The following SLC24A2 variants were observed in gnomAD, a reference collection of about 807,000 sequenced individuals.
SLC24A2 encodes solute carrier family 24 member 2.
SLC24A2 carries 36 observed loss-of-function variants against 62.0 expected under a neutral mutation model. The observed-to-expected ratio is 0.58, with a 90% CI of 0.44 to 0.77. The LOEUF (loss-of-function observed/expected upper bound fraction) is 0.77, where lower values mean the gene tolerates loss of function less well. SLC24A2 is among the 30% of genes least tolerant of loss of function. The pLI is 0.00. For synonymous variants in SLC24A2, 358 were observed against 294.0 expected (o/e 1.22, Z -2.23); for missense variants, 846 against 817.9 (o/e 1.03, Z -0.42).
At chr9:19,921,095 A>C in the SLC24A2 span, among the ~76,000 whole-genome samples, 1 of 150,764 alleles carries the variant, frequency 6.6e-6, no homozygotes, top group Non-Finnish European at 1.5e-5. Context: ...GGGGTGTTCC[A>C]AAGTAAATCA....
the SLC24A2 span, among the ~76,000 whole-genome samples, chr9:20,272,040 T>C: frequency 6.6e-6 from 1 of 152,186 alleles, no homozygotes; most frequent in African/African-American, 2.4e-5. Context: ...TCACATTTTG[T>C]GGTTTAGGGT....
the SLC24A2 span, among the ~76,000 whole-genome samples, chr9:19,857,718 C>T: frequency 1.3e-5 from 2 of 150,470 alleles, no homozygotes; most frequent in Admixed American, 6.7e-5. Flanking sequence ...TATCCTGAAA[C>T]CTTGCTAAAC....
chr9:20,013,639 G>A, the SLC24A2 span, among the ~76,000 whole-genome samples: 1 of 152,148 alleles, frequency 6.6e-6, no homozygotes. Context: ...CAGAACGGAA[G>A]AAAATAGTTG....
chr9:19,862,469 T>C, the SLC24A2 span, among the ~76,000 whole-genome samples: 2 of 152,080 alleles, frequency 1.3e-5, no homozygotes, highest in African/African-American at 2.4e-5. Context: ...AAGGAAAGGA[T>C]GTTAGTGAGC....
the SLC24A2 span, among the ~76,000 whole-genome samples, chr9:19,815,742 G>T: frequency 6.6e-6 from 1 of 151,968 alleles, no homozygotes; most frequent in South Asian, 2.1e-4. Flanking sequence ...TGAACACTTT[G>T]TTAACAGTTA....
the SLC24A2 span, among the ~76,000 whole-genome samples, chr9:20,101,280 T>C: frequency 6.6e-6 from 1 of 152,256 alleles, no homozygotes; most frequent in Non-Finnish European, 1.5e-5. Flanking sequence ...GAAGTGCCCC[T>C]GCATCAACAT....
At chr9:19,558,742 A>G (rs527281800) in intron 7 of SLC24A2, among the ~76,000 whole-genome samples, 22 of 152,344 alleles carry the variant, frequency 1.4e-4, no homozygotes, top group African/African-American at 5.0e-4. Flanking sequence ...TCTTTAAACA[A>G]GGAACTATCC....
chr9:20,180,561 A>C, the SLC24A2 span, among the ~76,000 whole-genome samples: 1 of 152,164 alleles, frequency 6.6e-6, no homozygotes, highest in African/African-American at 2.4e-5. Context: ...ACTTTTTGGC[A>C]TGTCTCCAGT....
chr9:20,076,579 C>T, the SLC24A2 span, among the ~76,000 whole-genome samples: 1 of 151,990 alleles, frequency 6.6e-6, no homozygotes, highest in Non-Finnish European at 1.5e-5. Flanking sequence ...GGTCTTGTGA[C>T]ACCTTGATGT....
the SLC24A2 span, among the ~76,000 whole-genome samples, chr9:19,856,969 A>C: frequency 6.6e-6 from 1 of 152,282 alleles, no homozygotes; most frequent in South Asian, 2.1e-4. Context: ...GGGCATATTT[A>C]AACATTTCTT....
chr9:19,571,892 T>C (rs1835846949), intron 7 of SLC24A2, among the ~76,000 whole-genome samples: 1 of 151,522 alleles, frequency 6.6e-6, no homozygotes, highest in Non-Finnish European at 1.5e-5. Context: ...GGTCCTGAGA[T>C]GAAATCTCAG....
intron 9 of SLC24A2, among the ~76,000 whole-genome samples, chr9:19,523,851 G>A (rs959508725): frequency 6.6e-6 from 1 of 152,058 alleles, no homozygotes; most frequent in African/African-American, 2.4e-5. Flanking sequence ...AACAGAAGTG[G>A]GCTTACTGGG....
the SLC24A2 span, among the ~76,000 whole-genome samples, chr9:19,796,859 T>C: frequency 3.3e-5 from 5 of 152,238 alleles, no homozygotes; most frequent in African/African-American, 1.2e-4. Flanking sequence ...TCTTTTCTCA[T>C]TCATTATTCT....
At chr9:20,224,487 C>A in the SLC24A2 span, among the ~76,000 whole-genome samples, 3 of 152,158 alleles carry the variant, frequency 2.0e-5, no homozygotes, top group Non-Finnish European at 4.4e-5. Context: ...AGCTCTCATA[C>A]AATACTGGCA....
chr9:19,568,452 A>T (rs1350713741), intron 7 of SLC24A2, among the ~76,000 whole-genome samples: 2 of 152,372 alleles, frequency 1.3e-5, no homozygotes, highest in South Asian at 2.1e-4. Context: ...GCTATTCAAT[A>T]GCCATTAAAA....
the SLC24A2 span, among the ~76,000 whole-genome samples, chr9:20,141,888 G>T: frequency 6.6e-6 from 1 of 152,168 alleles, no homozygotes; most frequent in Non-Finnish European, 1.5e-5. Flanking sequence ...TTCAAGACCA[G>T]CCTCGCCAAC....
At chr9:20,149,357 A>G in the SLC24A2 span, among the ~76,000 whole-genome samples, 1 of 152,064 alleles carries the variant, frequency 6.6e-6, no homozygotes, top group Non-Finnish European at 1.5e-5. Context: ...TTTTGAATAT[A>G]TTAACCTGAA....
At chr9:20,265,458 T>C in the SLC24A2 span, among the ~76,000 whole-genome samples, 1 of 152,228 alleles carries the variant, frequency 6.6e-6, no homozygotes, top group Non-Finnish European at 1.5e-5. Context: ...GTCTTTACTG[T>C]AATCTGTGAA....
rs1423867574 is a variant in SLC24A2, at chr9:19,599,243, C to A, written c.1079-1964G>T. Among the ~76,000 whole-genome samples the A allele has an allele frequency of 6.6e-6, 1 of 152,144 alleles. No individual in the cohort carries two copies. Among genetic ancestry groups the A allele is most frequent in the Non-Finnish European group, 1.5e-5 (1 of 68,036 alleles). Reference sequence around the variant, plus strand: ...GTACATAGTTGGAATTGGAACTGTTCATATCGGACAAAGCTCACACATTCT... The same window carrying A: ...GTACATAGTTGGAATTGGAACTGTTAATATCGGACAAAGCTCACACATTCT... On this transcript the variant is annotated intron_variant, in intron 4 of 10. Coordinates refer to ENST00000341998, the MANE Select transcript of SLC24A2 (RefSeq NM_020344.4). This position sits in a 1 kb window ranked among gnomAD's most constrained non-coding sequence, Gnocchi z 4.5.
Sources: allele counts gnomAD v4.1 joint callset (sites outside exome capture counted in the v4.1 genomes callset), GRCh38; gene constraint gnomAD v4.1.1; non-coding constraint Gnocchi (gnomAD v3.1); transcripts MANE v1.5; gene names NCBI Gene and HGNC (gene_info 2026-07-23, HGNC 2026-07-21).